Variants in HOXD3 observed in about 807,000 individuals in gnomAD.
HOXD3 encodes homeobox protein Hox-D3.
Under a neutral mutation model 32.8 loss-of-function variants are expected in HOXD3, and 13 were observed. The ratio of observed to expected loss-of-function variants is 0.40; its 90% CI spans 0.26 to 0.63. The LOEUF (loss-of-function observed/expected upper bound fraction) is 0.63. HOXD3 is among the 20% of genes least tolerant of loss of function. The pLI is 0.44. For missense variants in HOXD3, 504 were observed against 577.1 expected, an observed-to-expected ratio of 0.87 and a Z score of 1.30; for synonymous variants, 241 against 246.8, an observed-to-expected ratio of 0.98 and a Z score of 0.22.
Position 176,169,160 on chromosome 2 carries a change from A to C in HOXD3, c.46A>C (p.Thr16Pro). 1 of 1,613,980 alleles carries C rather than the reference A, an allele frequency of 6.2e-7. No individual in the cohort carries two copies. Among genetic ancestry groups the C allele is most frequent in the South Asian group, 1.1e-5 (1 of 91,060 alleles). ...GCAGGCCCTGGAGCTTCCTGAGTGC[A>C]CAATGCAGAAGGCTGCTTACTATGA... ...GQQALELPEC[T>P]MQKAAYYENP... The change falls in exon 3 of 4, where the codon ACA (threonine) becomes CCA (proline). Residue 16 changes from threonine (T) to proline (P), a missense_variant. By Grantham distance (38) the Thr-to-Pro change is conservative (BLOSUM62 -1). Transcript: ENST00000683222.
chr2:176,170,137 G>A (rs1048513349), intron 3 of HOXD3, among the ~76,000 whole-genome samples: 1 of 152,164 alleles, frequency 6.6e-6, no homozygotes, highest in Non-Finnish European at 1.5e-5. Flanking sequence ...ACCTTTTGAG[G>A]TAGGTATATG....
upstream of HOXD3, chr2:176,152,635 C>T (rs1259983315): frequency 1.9e-6 from 3 of 1,614,084 alleles, no homozygotes; most frequent in South Asian, 3.3e-5. The surrounding 1 kb of genome is among the most constrained non-coding windows in gnomAD (Gnocchi z 5.2). Flanking sequence ...GGTGGGGAAC[C>T]CAAGCGGTCC....
chr2:176,169,777 A>G, intron 3 of HOXD3, 122 bp downstream of exon 3: 1 of 1,260,854 alleles, frequency 7.9e-7, no homozygotes, highest in Non-Finnish European at 1.1e-6. Context: ...TCACGTCAAA[A>G]TGTTCTTTTT....
intron 1 of HOXD3, among the ~76,000 whole-genome samples, chr2:176,161,696 T>C (rs935206966): frequency 7.2e-5 from 11 of 152,256 alleles, no homozygotes; most frequent in Admixed American, 2.0e-4. Context: ...CTCCCAAAAT[T>C]TGAGAGAACC....
intron 1 of HOXD3, among the ~76,000 whole-genome samples, chr2:176,162,200 A>AT (rs1690830787): frequency 6.6e-6 from 1 of 152,162 alleles, no homozygotes; most frequent in East Asian, 1.9e-4. Context: ...GTCGCTGGAC[A>AT]TTTTTCTTTG....
chr2:176,162,162 C>T (rs528154745), intron 1 of HOXD3, among the ~76,000 whole-genome samples: 1 of 152,360 alleles, frequency 6.6e-6, no homozygotes, highest in East Asian at 1.9e-4. Context: ...TTGTCAATCT[C>T]CTGCGCTTGG....
chr2:176,159,162 G>T (rs1030577616), intron 1 of HOXD3, among the ~76,000 whole-genome samples: 1 of 152,002 alleles, frequency 6.6e-6, no homozygotes, highest in Non-Finnish European at 1.5e-5. Flanking sequence ...CCCCTCTTTG[G>T]CTGGGGATTA....
chr2:176,167,309 A>G (rs556305403), intron 2 of HOXD3, among the ~76,000 whole-genome samples: 3 of 152,320 alleles, frequency 2.0e-5, no homozygotes, highest in South Asian at 2.1e-4. Context: ...GATGTCAATA[A>G]TATCTATTTA....
chr2:176,167,015 T>A (rs948039187), intron 2 of HOXD3, among the ~76,000 whole-genome samples: 1 of 152,138 alleles, frequency 6.6e-6, no homozygotes, highest in Non-Finnish European at 1.5e-5. Context: ...GAAAGACAGA[T>A]CAAGAATTGA....
rs1447102456 is a variant in HOXD3 at position 176,172,586 on chromosome 2, G to T, written c.*312G>T. 5.8e-6 allele frequency: 2 copies of T among 342,418 alleles called. No homozygotes were observed. The highest frequency in any genetic ancestry group is 1.1e-5 in the Non-Finnish European group (2 of 188,758). The allele number at this position is 342,418 out of a possible 1,614,324, so 21.2% of individuals were successfully genotyped here. A position where few individuals can be genotyped will look rare whatever the true frequency, so the allele number is the denominator to read the frequency against. On this transcript the variant is annotated 3_prime_UTR_variant, in exon 4 of 4. Coordinates refer to ENST00000683222, the MANE Select transcript of HOXD3 (RefSeq NM_006898.5). ...AAAGGTAAGTCTGAGACCCATCAGCGGCGCGCCCTGCAGAGGGACCAGAGC... is the reference window on the plus strand; with the variant it reads ...AAAGGTAAGTCTGAGACCCATCAGCTGCGCGCCCTGCAGAGGGACCAGAGC...
chr2:176,157,103 C>T (rs1354483114), upstream of HOXD3, among the ~76,000 whole-genome samples: 1 of 152,120 alleles, frequency 6.6e-6, no homozygotes, highest in African/African-American at 2.4e-5. Flanking sequence ...GACGGCGCTT[C>T]CCGCCCGCCT....
chr2:176,153,694 T>C (rs748331553), upstream of HOXD3, among the ~76,000 whole-genome samples: 1 of 152,168 alleles, frequency 6.6e-6, no homozygotes, highest in Non-Finnish European at 1.5e-5. Context: ...CCCCACTCTC[T>C]GGAAATGTAT....
At chr2:176,168,928 G>A (rs1352718711) in intron 2 of HOXD3, 103 bp from the exon 3 acceptor site, 10 of 780,280 alleles carry the variant, frequency 1.3e-5, no homozygotes, top group South Asian at 5.3e-5. Flanking sequence ...CCATCTCCCC[G>A]CCGTGAAGTG....
chr2:176,168,566 T>TAAAAC (rs71879647), intron 2 of HOXD3, among the ~76,000 whole-genome samples: 66,283 of 150,162 alleles, frequency 0.44, 15,375 homozygotes, highest in East Asian at 0.74. Context: ...AAATTCCATC[T>TAAAAC]AAAACAAAAC....
Position 176,171,772 on chromosome 2 carries a change from C to A in HOXD3, c.797C>A (p.Ser266Tyr), listed in dbSNP as rs1042654678. The A allele has an allele frequency of 6.2e-7, 1 of 1,613,876 alleles. No individual in the cohort carries two copies. The highest frequency in any genetic ancestry group is 1.3e-5 in the African/African-American group (1 of 74,934). Residue 266 changes from serine to tyrosine, a missense_variant, in exon 4 of 4, where the codon TCC (serine) becomes TAC (tyrosine). Transcript: ENST00000683222. ...ATCCTGCACTCGCCGGCTAGCCAGT[C>A]CCCTGAGCGCAGCCCACCGCTCGGC... The part of the protein sequence containing the change: ...KGILHSPASQ[S>Y]PERSPPLGGA...
upstream of HOXD3, among the ~76,000 whole-genome samples, chr2:176,155,220 A>G (rs1399453236): frequency 3.3e-5 from 5 of 152,174 alleles, no homozygotes; most frequent in African/African-American, 1.2e-4. Flanking sequence ...GAGAAGGGGA[A>G]AAAGGTATAT....
chr2:176,167,423 A>G (rs1691008185), intron 2 of HOXD3, among the ~76,000 whole-genome samples: 1 of 152,244 alleles, frequency 6.6e-6, no homozygotes, highest in South Asian at 2.1e-4. Context: ...TTCCAGTGGT[A>G]TCTGTTTAAA....
At chr2:176,163,639 G>T (rs1239839725) in intron 1 of HOXD3, among the ~76,000 whole-genome samples, 1 of 152,084 alleles carries the variant, frequency 6.6e-6, no homozygotes, top group Non-Finnish European at 1.5e-5. Flanking sequence ...TCCTTTCCTG[G>T]TGCCCTTTTC....
chr2:176,163,688 C>A (rs1420442931), intron 1 of HOXD3, among the ~76,000 whole-genome samples: 1 of 152,146 alleles, frequency 6.6e-6, no homozygotes, highest in African/African-American at 2.4e-5. Flanking sequence ...TAATTCTGCA[C>A]GGTCTCTCTC....
Sources: allele counts gnomAD v4.1 joint callset (sites outside exome capture counted in the v4.1 genomes callset), GRCh38; gene constraint gnomAD v4.1.1; non-coding constraint Gnocchi (gnomAD v3.1); transcripts MANE v1.5; gene names NCBI Gene and HGNC (gene_info 2026-07-23, HGNC 2026-07-21).